The following SORBS2 variants were observed in gnomAD, a reference collection of about 807,000 sequenced individuals.
SORBS2 encodes sorbin and SH3 domain-containing protein 2.
A neutral mutation model predicts 97.7 loss-of-function variants in SORBS2; 46 were observed. The ratio of observed to expected loss-of-function variants is 0.47; its 90% CI spans 0.37 to 0.60. The LOEUF (loss-of-function observed/expected upper bound fraction) is 0.60. Ranked by LOEUF, SORBS2 falls within the 20% of genes least tolerant of loss-of-function variation. The probability of loss-of-function intolerance (pLI) is 0.00; values close to 1 mark genes in which losing one functional copy is unlikely to be tolerated. For synonymous variants in SORBS2, 476 were observed against 473.4 expected (o/e 1.01, Z -0.07); for missense variants, 1,316 against 1,282.3 (o/e 1.03, Z -0.40).
At chr4:185,618,304 C>CA (rs1185040698) in intron 9 of SORBS2, among the ~76,000 whole-genome samples, 1 of 152,240 alleles carries the variant, frequency 6.6e-6, no homozygotes, top group African/African-American at 2.4e-5. Flanking sequence ...ATTATTGACA[C>CA]AAAATTCTAA....
At chr4:185,709,247 C>A (rs13141219) in intron 2 of SORBS2, among the ~76,000 whole-genome samples, 1 of 150,718 alleles carries the variant, frequency 6.6e-6, no homozygotes, top group South Asian at 2.1e-4. Context: ...CTTGAACTCC[C>A]GCCTTGGCCT....
intron 2 of SORBS2, among the ~76,000 whole-genome samples, chr4:185,698,665 T>A (rs554929936): frequency 6.6e-6 from 1 of 152,172 alleles, no homozygotes; most frequent in Non-Finnish European, 1.5e-5. Context: ...AAGGCAAAAC[T>A]GTTTGATAAA....
intron 2 of SORBS2, among the ~76,000 whole-genome samples, chr4:185,683,586 C>G (rs1561896200): frequency 6.6e-6 from 1 of 152,134 alleles, no homozygotes; most frequent in African/African-American, 2.4e-5. Flanking sequence ...CCACTACATA[C>G]AAATAGAGAT....
chr4:185,901,550 A>T (rs2099247794), intron 1 of SORBS2, among the ~76,000 whole-genome samples: 2 of 152,206 alleles, frequency 1.3e-5, no homozygotes, highest in Non-Finnish European at 2.9e-5. Context: ...GAAATATTTT[A>T]AAAATATCAA....
intron 1 of SORBS2, among the ~76,000 whole-genome samples, chr4:185,858,227 G>A: frequency 1.3e-5 from 2 of 152,222 alleles, no homozygotes; most frequent in South Asian, 4.1e-4. Context: ...AATATTGGGG[G>A]CTGGTTCCCC....
chr4:185,668,853 C>CT (rs575827160), intron 4 of SORBS2, among the ~76,000 whole-genome samples: 131 of 152,306 alleles, frequency 8.6e-4, no homozygotes, highest in African/African-American at 3.0e-3. Context: ...GGGTCACCAA[C>CT]TTTTTGTGAG....
At chr4:185,878,043 C>A (rs1014430735) in intron 1 of SORBS2, among the ~76,000 whole-genome samples, 1 of 151,984 alleles carries the variant, frequency 6.6e-6, no homozygotes, top group Non-Finnish European at 1.5e-5. Flanking sequence ...CTGTTAAAAG[C>A]CTTGAGGATT....
chr4:185,827,222 C>CCAT (rs1251463109), intron 1 of SORBS2, among the ~76,000 whole-genome samples: 2 of 53,836 alleles, frequency 3.7e-5, no homozygotes, highest in East Asian at 5.7e-4. Context: ...ACCATCATCA[C>CCAT]CATCATCATC....
intron 1 of SORBS2, among the ~76,000 whole-genome samples, chr4:185,832,970 TC>T (rs1307449966): frequency 1.3e-4 from 20 of 152,318 alleles, no homozygotes; most frequent in African/African-American, 4.8e-4. Flanking sequence ...ATTCTTTTCT[TC>T]TAGTGATGGC....
At chr4:185,722,067 C>T (rs544349120) in intron 2 of SORBS2, among the ~76,000 whole-genome samples, 11 of 152,146 alleles carry the variant, frequency 7.2e-5, no homozygotes, top group Non-Finnish European at 1.6e-4. Context: ...GTTAAAAGGT[C>T]GTGAATTCTG....
chr4:185,805,754 G>A (rs2099150570), intron 1 of SORBS2, among the ~76,000 whole-genome samples: 1 of 152,164 alleles, frequency 6.6e-6, no homozygotes, highest in Admixed American at 6.6e-5. Context: ...GAGATATTGA[G>A]CAAACTAAAA....
chr4:185,630,293 G>A (rs141487288), intron 5 of SORBS2, among the ~76,000 whole-genome samples: 3 of 152,148 alleles, frequency 2.0e-5, no homozygotes, highest in African/African-American at 4.8e-5. Context: ...AGAAAACTGG[G>A]TATAGGGGAC....
chr4:185,744,292 T>G (rs1263115117), intron 2 of SORBS2, among the ~76,000 whole-genome samples: 1 of 152,202 alleles, frequency 6.6e-6, no homozygotes, highest in Admixed American at 6.5e-5. Context: ...CATTATTGCA[T>G]TCATGTGGAA....
chr4:185,689,190 T>C (rs763240969), intron 2 of SORBS2, among the ~76,000 whole-genome samples: 2 of 152,328 alleles, frequency 1.3e-5, no homozygotes, highest in Admixed American at 6.5e-5. Context: ...AATAGTGTTA[T>C]AATAAATAGG....
intron 1 of SORBS2, among the ~76,000 whole-genome samples, chr4:185,854,580 G>C (rs553925408): frequency 2.6e-5 from 4 of 152,292 alleles, no homozygotes; most frequent in Non-Finnish European, 5.9e-5. Flanking sequence ...ACAAAGCGCT[G>C]CCTTGGTTAT....
chr4:185,867,257 G>T (rs555435937), intron 1 of SORBS2, among the ~76,000 whole-genome samples: 1 of 152,140 alleles, frequency 6.6e-6, no homozygotes, highest in Non-Finnish European at 1.5e-5. Flanking sequence ...TGATCCGCCC[G>T]CCTCAGCCTC....
chr4:185,817,308 A>T (rs1441314868), intron 1 of SORBS2, among the ~76,000 whole-genome samples: 2 of 152,212 alleles, frequency 1.3e-5, no homozygotes, highest in East Asian at 3.8e-4. Context: ...GCTAGAGAAA[A>T]GTACTCCTGG....
chr4:185,612,421 AAAT>A (rs2096554354), intron 11 of SORBS2, among the ~76,000 whole-genome samples: 1 of 152,126 alleles, frequency 6.6e-6, no homozygotes, highest in African/African-American at 2.4e-5. Flanking sequence ...GGTCTGTCTG[AAAT>A]GGGTTACAGA....
At chr4:185,811,773 G>A (rs1052863290) in intron 1 of SORBS2, 1 of 152,232 alleles carries the variant, frequency 6.6e-6, no homozygotes, top group East Asian at 1.9e-4. Context: ...AGGTAAACCC[G>A]AGAGCGTCCG....
Sources: allele counts gnomAD v4.1 joint callset (sites outside exome capture counted in the v4.1 genomes callset), GRCh38; gene constraint gnomAD v4.1.1; transcripts MANE v1.5; gene names NCBI Gene and HGNC (gene_info 2026-07-23, HGNC 2026-07-21).